Variants in STK32B observed in about 807,000 individuals in gnomAD.
STK32B encodes serine/threonine kinase 32B.
In STK32B, 43 loss-of-function variants were observed where a neutral mutation model predicts 52.6. The ratio of observed to expected loss-of-function variants is 0.82; its 90% CI spans 0.64 to 1.05. The LOEUF is 1.05. Among genes scored for constraint, STK32B ranks in the 50% least tolerant of loss-of-function variants. STK32B has a pLI of 0.00. For synonymous variants in STK32B, 238 were observed against 204.3 expected (o/e 1.17, Z -1.41); for missense variants, 621 against 534.6 (o/e 1.16, Z -1.59).
chr4:5,112,045 C>T (rs2108802948), intron 1 of STK32B, among the ~76,000 whole-genome samples: 1 of 152,290 alleles, frequency 6.6e-6, no homozygotes, highest in African/African-American at 2.4e-5. Context: ...ATTGGCCCAC[C>T]CATGCCCATC....
At chr4:5,142,809 T>G (rs1024654592) in intron 2 of STK32B, among the ~76,000 whole-genome samples, 1 of 152,154 alleles carries the variant, frequency 6.6e-6, no homozygotes, top group African/African-American at 2.4e-5. Flanking sequence ...TGCGAAGGTA[T>G]TTTTTTGGAT....
chr4:5,292,746 T>G (rs189359605), intron 3 of STK32B, among the ~76,000 whole-genome samples: 1 of 152,218 alleles, frequency 6.6e-6, no homozygotes, highest in Admixed American at 6.5e-5. Context: ...AGCAGAGTAT[T>G]TCCTAGGTTT....
intron 1 of STK32B, among the ~76,000 whole-genome samples, chr4:5,078,416 G>A (rs1712212711): frequency 6.6e-6 from 1 of 152,162 alleles, no homozygotes; most frequent in Non-Finnish European, 1.5e-5. Flanking sequence ...AAAACAAACT[G>A]ACATGATATG....
chr4:5,045,687 T>G, the STK32B span, among the ~76,000 whole-genome samples: 1 of 152,312 alleles, frequency 6.6e-6, no homozygotes, highest in South Asian at 2.1e-4. Flanking sequence ...GGGAGTTAAT[T>G]CATGATTTCG....
chr4:5,156,521 C>T (rs1717861316), intron 2 of STK32B, among the ~76,000 whole-genome samples: 1 of 152,186 alleles, frequency 6.6e-6, no homozygotes, highest in South Asian at 2.1e-4. Flanking sequence ...ATGGCTGAGC[C>T]AGCAGGAGCG....
chr4:5,025,192 C>G, the STK32B span, among the ~76,000 whole-genome samples: 2 of 152,172 alleles, frequency 1.3e-5, no homozygotes, highest in East Asian at 1.9e-4. Context: ...CCTGCCTCCC[C>G]CTCCGCCGTG....
At chr4:5,092,392 C>T (rs1055612829) in intron 1 of STK32B, among the ~76,000 whole-genome samples, 55 of 152,128 alleles carry the variant, frequency 3.6e-4, no homozygotes, top group African/African-American at 1.2e-3. Flanking sequence ...ACTAGCCCAG[C>T]GTTGTGGTGG....
At chr4:5,044,959 A>G in the STK32B span, among the ~76,000 whole-genome samples, 1 of 152,188 alleles carries the variant, frequency 6.6e-6, no homozygotes, top group African/African-American at 2.4e-5. Flanking sequence ...GTCCAGGACT[A>G]GCCACTTCTC....
intron 11 of STK32B, among the ~76,000 whole-genome samples, chr4:5,490,700 A>G (rs1719649249): frequency 6.6e-6 from 1 of 152,046 alleles, no homozygotes; most frequent in South Asian, 2.1e-4. Flanking sequence ...CATTAGGTAT[A>G]TCTCCTAAAG....
chr4:5,191,882 A>G (rs953762814), intron 3 of STK32B, among the ~76,000 whole-genome samples: 2 of 152,206 alleles, frequency 1.3e-5, no homozygotes, highest in African/African-American at 2.4e-5. Flanking sequence ...CATATTAACT[A>G]CTGTGCTCCC....
intron 11 of STK32B, among the ~76,000 whole-genome samples, chr4:5,496,992 AAG>A (rs1365893866): frequency 6.6e-6 from 1 of 152,186 alleles, no homozygotes; most frequent in African/African-American, 2.4e-5. Context: ...CTGGAGAGAA[AAG>A]AGTTTCAACT....
At chr4:5,219,033 CT>C (rs1244203493) in intron 3 of STK32B, among the ~76,000 whole-genome samples, 3 of 152,240 alleles carry the variant, frequency 2.0e-5, no homozygotes, top group African/African-American at 4.8e-5. Flanking sequence ...GGAGAGCCCC[CT>C]GGTTCACTTG....
At position 5,316,906 on chromosome 4, in the gene STK32B, A is replaced by C. The variant is rs866751252; in HGVS notation, c.261-14314A>C. On this transcript the variant is annotated intron_variant, in intron 3 of 11. Transcript: ENST00000282908. ...ATTATATATATTATATATAATATAT[A>C]ATATATATGATATAATATATATAAT... Among the ~76,000 whole-genome samples the C allele has an allele frequency of 4.6e-4, 11 of 23,762 alleles. No homozygotes were observed. The East Asian group carries it at 7.8e-3, about 17-fold the overall frequency. 15.6% of individuals were successfully genotyped at this position (23,762 alleles called of 152,430 possible). A position where few individuals can be genotyped will look rare whatever the true frequency, so the allele number is the denominator to read the frequency against.
At chr4:5,199,814 TC>T (rs1280421813) in intron 3 of STK32B, among the ~76,000 whole-genome samples, 1 of 147,596 alleles carries the variant, frequency 6.8e-6, no homozygotes, top group East Asian at 2.0e-4. Context: ...TGCCCTCTGC[TC>T]GTCTGTGAAG....
chr4:5,337,697 A>G (rs77658497), intron 4 of STK32B, among the ~76,000 whole-genome samples: 4,474 of 152,160 alleles, frequency 0.029, 223 homozygotes, highest in African/African-American at 0.1. Context: ...AAGTTGAGTT[A>G]CGAGAGGTTC....
At chr4:5,320,746 A>G (rs1182262737) in intron 3 of STK32B, among the ~76,000 whole-genome samples, 1 of 152,220 alleles carries the variant, frequency 6.6e-6, no homozygotes, top group Non-Finnish European at 1.5e-5. Flanking sequence ...GTGTTTGATC[A>G]TGAGGATGGA....
At chr4:5,256,046 G>C (rs1299095676) in intron 3 of STK32B, among the ~76,000 whole-genome samples, 2 of 152,142 alleles carry the variant, frequency 1.3e-5, no homozygotes, top group Non-Finnish European at 2.9e-5. Context: ...GGTTACTTTG[G>C]TTGTCTAATA....
intron 3 of STK32B, among the ~76,000 whole-genome samples, chr4:5,251,753 G>T (rs765645800): frequency 2.0e-5 from 3 of 152,124 alleles, no homozygotes; most frequent in Non-Finnish European, 2.9e-5. Context: ...ATTTCTTTCA[G>T]CAGTGTTTTG....
chr4:5,118,471 A>G (rs942169364), intron 1 of STK32B, among the ~76,000 whole-genome samples: 16 of 152,176 alleles, frequency 1.1e-4, no homozygotes, highest in African/African-American at 3.4e-4. Flanking sequence ...GCCTTTGCCC[A>G]TGCAGTTTTC....
Sources: allele counts gnomAD v4.1 joint callset (sites outside exome capture counted in the v4.1 genomes callset), GRCh38; gene constraint gnomAD v4.1.1; transcripts MANE v1.5; gene names NCBI Gene and HGNC (gene_info 2026-07-23, HGNC 2026-07-21).